The following BMAL1 variants were observed in gnomAD, a reference collection of about 807,000 sequenced individuals.
BMAL1 encodes basic helix-loop-helix ARNT like 1.
chr11:13,279,500 C>T, the BMAL1 span, among the ~76,000 whole-genome samples: 1 of 152,080 alleles, frequency 6.6e-6, no homozygotes, highest in African/African-American at 2.4e-5. Context: ...TTAATGTACC[C>T]GTTGAATCAT....
At chr11:13,316,184 C>G in the BMAL1 span, among the ~76,000 whole-genome samples, 6 of 152,180 alleles carry the variant, frequency 3.9e-5, no homozygotes, top group South Asian at 1.2e-3. Flanking sequence ...TCATGATGGT[C>G]CGTCTGCCCT....
chr11:13,385,221 G>C, the BMAL1 span, among the ~76,000 whole-genome samples: 1 of 152,184 alleles, frequency 6.6e-6, no homozygotes, highest in African/African-American at 2.4e-5. Context: ...TACTGAAGTT[G>C]GCACCTGTAG....
At chr11:13,356,406 T>A in the BMAL1 span, 11 of 541,078 alleles carry the variant, frequency 2.0e-5, no homozygotes, top group South Asian at 1.7e-4. Context: ...TATATAGATA[T>A]TTCAATCCTA....
the BMAL1 span, among the ~76,000 whole-genome samples, chr11:13,284,110 G>GTGTA: frequency 0.07 from 3,375 of 48,422 alleles, 486 homozygotes; most frequent in Middle Eastern, 0.12. Flanking sequence ...GTGTGTGTGT[G>GTGTA]TATATATATG....
At chr11:13,282,994 A>G in the BMAL1 span, among the ~76,000 whole-genome samples, 13 of 152,332 alleles carry the variant, frequency 8.5e-5, no homozygotes, top group Admixed American at 8.5e-4. Context: ...TTAGGTCTGC[A>G]TGGAAGGAGG....
chr11:13,291,387 G>A, the BMAL1 span, among the ~76,000 whole-genome samples: 4 of 152,254 alleles, frequency 2.6e-5, no homozygotes, highest in East Asian at 5.8e-4. Context: ...GGTGGCGAGG[G>A]GAGTGAATGA....
chr11:13,375,679 C>G, the BMAL1 span: 1 of 1,601,828 alleles, frequency 6.2e-7, no homozygotes, highest in Non-Finnish European at 8.5e-7. Context: ...GTTCTTTTAT[C>G]ACACTACGGA....
chr11:13,289,125 G>A, the BMAL1 span, among the ~76,000 whole-genome samples: 1 of 152,202 alleles, frequency 6.6e-6, no homozygotes, highest in Non-Finnish European at 1.5e-5. Flanking sequence ...TTCCTGTTGA[G>A]CCCTTTTCAG....
At chr11:13,343,075 T>C in the BMAL1 span, among the ~76,000 whole-genome samples, 4 of 152,208 alleles carry the variant, frequency 2.6e-5, no homozygotes, top group Non-Finnish European at 5.9e-5. Context: ...GGTAATGTTA[T>C]CCTTATCCTA....
chr11:13,339,248 C>T, the BMAL1 span, among the ~76,000 whole-genome samples: 6 of 152,228 alleles, frequency 3.9e-5, no homozygotes, highest in African/African-American at 1.4e-4. Flanking sequence ...GTCACCCTGC[C>T]GTGGCCACTC....
At chr11:13,333,432 C>A in the BMAL1 span, among the ~76,000 whole-genome samples, 10 of 152,338 alleles carry the variant, frequency 6.6e-5, no homozygotes, top group South Asian at 8.3e-4. Context: ...ACTGCCACCA[C>A]CAGATGTGGT....
the BMAL1 span, among the ~76,000 whole-genome samples, chr11:13,341,466 G>A: frequency 6.6e-6 from 1 of 152,138 alleles, no homozygotes; most frequent in Admixed American, 6.5e-5. Context: ...GGCCTGCCCT[G>A]AGTCCAGCCC....
At chr11:13,355,140 G>A in the BMAL1 span, 21 of 1,224,838 alleles carry the variant, frequency 1.7e-5, no homozygotes, top group Non-Finnish European at 2.3e-5. Flanking sequence ...TTACCCAAAT[G>A]TCCATTTAAG....
chr11:13,341,414 C>T, the BMAL1 span, among the ~76,000 whole-genome samples: 1 of 152,202 alleles, frequency 6.6e-6, no homozygotes, highest in Admixed American at 6.5e-5. Flanking sequence ...CCATTCCCCC[C>T]ACATTCTCAA....
At chr11:13,288,427 T>TCTTTCTTTCTTTCTTTCTTC in the BMAL1 span, among the ~76,000 whole-genome samples, 1 of 66,114 alleles carries the variant, frequency 1.5e-5, no homozygotes, top group African/African-American at 5.3e-5. Context: ...TTTTTTTCTT[T>TCTTTCTTTCTTTCTTTCTTC]TTTTTTTTTT....
At chr11:13,370,938 T>C in the BMAL1 span, among the ~76,000 whole-genome samples, 1 of 152,158 alleles carries the variant, frequency 6.6e-6, no homozygotes, top group South Asian at 2.1e-4. Flanking sequence ...CTGGTTGGAA[T>C]TTCTTCCCTC....
chr11:13,357,064 T>C, the BMAL1 span: 2 of 1,614,238 alleles, frequency 1.2e-6, no homozygotes, highest in Non-Finnish European at 1.7e-6. The surrounding 1 kb of genome is among the most constrained non-coding windows in gnomAD (Gnocchi z 4.8). Context: ...GGTTAGAATA[T>C]ACAGAACACC....
the BMAL1 span, chr11:13,360,550 TC>T: frequency 1.3e-6 from 1 of 756,638 alleles, no homozygotes; most frequent in Non-Finnish European, 2.2e-6. Context: ...CTCTCTCAGG[TC>T]CCTCCCTTTA....
chr11:13,302,195 A>G, the BMAL1 span, among the ~76,000 whole-genome samples: 4 of 152,298 alleles, frequency 2.6e-5, no homozygotes, highest in African/African-American at 9.6e-5. Flanking sequence ...TGAGGCCCAG[A>G]GCTGCAGACA....
Sources: allele counts gnomAD v4.1 joint callset (sites outside exome capture counted in the v4.1 genomes callset), GRCh38; gene constraint gnomAD v4.1.1; non-coding constraint Gnocchi (gnomAD v3.1); transcripts MANE v1.5; gene names NCBI Gene and HGNC (gene_info 2026-07-23, HGNC 2026-07-21).